PRSS36: variants seen among roughly 807,000 people sequenced by gnomAD.
PRSS36 encodes the protein serine protease 36.
In PRSS36, 90 loss-of-function variants were observed where a neutral mutation model predicts 94.3. That is an observed-to-expected ratio of 0.95 (90% CI 0.80 to 1.14). The LOEUF (loss-of-function observed/expected upper bound fraction) is 1.14. Ranked by LOEUF, PRSS36 falls within the 50% of genes most tolerant of loss-of-function variation. The pLI is 0.00. For synonymous variants in PRSS36, 500 were observed against 489.6 expected (o/e 1.02, Z -0.28); for missense variants, 1,158 against 1,135.0 (o/e 1.02, Z -0.29).
chr16:31,140,232 A>G, intron 14 of PRSS36, 62 bp downstream of exon 14: 2 of 1,515,108 alleles, frequency 1.3e-6, no homozygotes, highest in Non-Finnish European at 1.8e-6. Context: ...CTATCTCTCT[A>G]GGGTACAGTA....
intron 1 of PRSS36, 73 bp from the exon 2 acceptor site, chr16:31,149,804 C>A (rs1427155557): frequency 6.2e-7 from 1 of 1,606,046 alleles, no homozygotes; most frequent in Non-Finnish European, 8.5e-7. Flanking sequence ...ACTCCCTCCC[C>A]CAGCCTCCTA....
Position 31,142,572 on chromosome 16 carries a change from C to T in PRSS36, c.1430G>A (p.Gly477Asp). ...LGGWWCHCLY[G>D]RQGAAVPLPG... is the part of the protein sequence containing the mutation. ...CAGCGGTACTGCCGCCCCCTGGCGG[C>T]CGTACAGGCAGTGGCACCACCAGCC... Residue 477 changes from glycine (G) to aspartate (D), a missense_variant, in exon 10 of 15, where the codon GGC becomes GAC. Physicochemically the swap from Gly to Asp is moderately conservative, Grantham distance 94. Transcript: ENST00000268281. 6.6e-7 allele frequency: 1 copy of T among 1,525,700 alleles called. No homozygotes were observed. The highest frequency in any genetic ancestry group is 8.8e-7 in the Non-Finnish European group (1 of 1,140,782). The allele number at this position is 1,525,700 out of a possible 1,614,324, so 94.5% of individuals were successfully genotyped here.
In PRSS36 at chr16:31,148,590, G is replaced by T; in HGVS notation, c.358C>A (p.Arg120Ser). The T allele has an allele frequency of 6.2e-7, 1 of 1,610,758 alleles. No individual in the cohort carries two copies. The highest frequency in any genetic ancestry group is 8.5e-7 in the Non-Finnish European group (1 of 1,178,956). The change falls in exon 5 of 15, where the codon CGC (arginine) becomes AGC (serine). Residue 120 changes from arginine to serine, a missense_variant. By Grantham distance (110) the Arg-to-Ser change is moderately radical. Transcript: ENST00000268281. ...QDGPLDGAHT[R>S]AVAAIVVPAN... ...GGCACCACGATGGCGGCCACTGCGC[G>T]GGTGTGCGCGCCGTCCAGGGGCCCG...
chr16:31,147,968 G>A (rs1389526808), intron 5 of PRSS36, among the ~76,000 whole-genome samples: 1 of 152,154 alleles, frequency 6.6e-6, no homozygotes, highest in Non-Finnish European at 1.5e-5. Context: ...GCCAGGCACT[G>A]TACTATGAAC....
rs2057735661 is a variant in PRSS36, at chr16:31,142,934, G to A, written c.1160C>T (p.Ser387Leu). The change falls in exon 9 of 15, where the codon TCG becomes TTG. Residue 387 changes from serine (S) to leucine (L), a missense_variant. By Grantham distance (145) the Ser-to-Leu change is moderately radical (BLOSUM62 -2). Transcript: ENST00000268281. ...CGCCACCCGCTCCGCGCGCGGGCGC[G>A]AGGGCAGCAGCACGCGCCAGGCGTC... Reference protein sequence around the residue: ...DLDAWRVLLPSRPRAERVARL... With the variant: ...DLDAWRVLLPLRPRAERVARL... 2.0e-6 allele frequency: 3 copies of A among 1,497,308 alleles called. No homozygotes were observed. Among genetic ancestry groups the A allele is most frequent in the South Asian group, 2.6e-5 (2 of 78,396 alleles). The allele number at this position is 1,497,308 out of a possible 1,614,324, so 92.8% of individuals were successfully genotyped here.
Position 31,140,211 on chromosome 16 carries a change from T to A in PRSS36, c.2289+83A>T, listed in dbSNP as rs532669436. On this transcript the variant is annotated intron_variant, in intron 14 of 14. Transcript: ENST00000268281. ...TCTCAAAAAAAAAAAAAAAAAAAAA[T>A]TCCAATTCTGCTATCTCTCTAGGGT... 935 of 1,393,116 alleles carry A rather than the reference T, an allele frequency of 6.7e-4. 2 individuals carry two copies. In the African/African-American group the frequency reaches 7.0e-3, roughly 10 times the overall value. 86.3% of individuals were successfully genotyped at this position (1,393,116 alleles called of 1,614,324 possible).
chr16:31,144,861 G>C (rs1363762174), intron 6 of PRSS36, among the ~76,000 whole-genome samples: 2 of 152,192 alleles, frequency 1.3e-5, no homozygotes, highest in African/African-American at 4.8e-5. Flanking sequence ...GCCGAGGCAG[G>C]CGGATCATTT....
rs1422577814 is a variant in PRSS36 at position 31,139,266 on chromosome 16, G to A, written c.2440C>T (p.Pro814Ser). ...SQTVGEANFLPPSGSPHWPTG... is the reference protein window; with the variant it reads ...SQTVGEANFLSPSGSPHWPTG... Reference sequence around the variant, plus strand: ...GGCCAGTGTGGGGAGCCACTGGGGGGCAGGAAGTTGGCCTCTCCCACTGTC... The same window carrying A: ...GGCCAGTGTGGGGAGCCACTGGGGGACAGGAAGTTGGCCTCTCCCACTGTC... The change falls in exon 15 of 15, where the codon CCC becomes TCC. Residue 814 changes from proline (P) to serine (S), a missense_variant. Pro to Ser is a moderately conservative substitution (Grantham distance 74). Coordinates refer to ENST00000268281, the MANE Select transcript of PRSS36 (RefSeq NM_173502.5). 1 of 1,614,142 alleles carries A rather than the reference G, an allele frequency of 6.2e-7. No individual in the cohort carries two copies.
rs759268549 is a variant in PRSS36 at position 31,149,063 on chromosome 16, G to A, written c.272+10C>T. On this transcript the variant is annotated intron_variant, in intron 4 of 14. Transcript: ENST00000268281. ...GGCGGAGAGGGGCCAGGACCAGGGC[G>A]AATACTCACGTCATGAAACAGTGAG... 6.3e-7 allele frequency: 1 copy of A among 1,586,700 alleles called. No individual in the cohort carries two copies. Among genetic ancestry groups the A allele is most frequent in the South Asian group, 1.2e-5 (1 of 86,882 alleles).
Position 31,139,425 on chromosome 16 carries a change from T to C in PRSS36, c.2290-9A>G. ...GGCGGTGCTGAGGTCATCTGCAGAG[T>C]TGGAGCGAGGCCACGTGGGTCTGCT... On this transcript the variant is annotated splice_polypyrimidine_tract_variant and intron_variant, in intron 14 of 14. Transcript: ENST00000268281. 6.2e-7 allele frequency: 1 copy of C among 1,610,148 alleles called. No individual in the cohort carries two copies. The highest frequency in any genetic ancestry group is 8.5e-7 in the Non-Finnish European group (1 of 1,177,370).
Position 31,142,920 on chromosome 16 carries a change from C to G in PRSS36, c.1174G>C (p.Glu392Gln). Reference protein sequence around the residue: ...RVLLPSRPRAERVARLVQHEN... With the variant: ...RVLLPSRPRAQRVARLVQHEN... ...TGCTGCACCAGGCGCGCCACCCGCTCCGCGCGCGGGCGCGAGGGCAGCAGC... is the reference window on the plus strand; with the variant it reads ...TGCTGCACCAGGCGCGCCACCCGCTGCGCGCGCGGGCGCGAGGGCAGCAGC... Residue 392 changes from glutamate to glutamine, a missense_variant, in exon 9 of 15, where the codon GAG (glutamate) becomes CAG (glutamine). Coordinates refer to ENST00000268281, the MANE Select transcript of PRSS36 (RefSeq NM_173502.5). 1 of 1,528,670 alleles carries G rather than the reference C, an allele frequency of 6.5e-7. No individual in the cohort carries two copies. Among genetic ancestry groups the G allele is most frequent in the South Asian group, 1.2e-5 (1 of 82,334 alleles). 94.7% of individuals were successfully genotyped at this position (1,528,670 alleles called of 1,614,324 possible). A position where few individuals can be genotyped will look rare whatever the true frequency, so the allele number is the denominator to read the frequency against.
rs2057733952 is a variant in PRSS36, at chr16:31,142,878, C to T, written c.1216G>A (p.Asp406Asn). 1 of 1,561,110 alleles carries T rather than the reference C, an allele frequency of 6.4e-7. No individual in the cohort carries two copies. The highest frequency in any genetic ancestry group is 1.2e-5 in the South Asian group (1 of 84,960). ...RLVQHENASW[D>N]NASDLALLQL... is the part of the protein sequence containing the mutation. The stretch of plus-strand genomic sequence containing the variant: ...AGCAGCGCCAGGTCCGAGGCGTTGT[C>T]CCACGAAGCGTTCTCGTGCTGCACC... Residue 406 changes from aspartate to asparagine, a missense_variant, in exon 9 of 15, where the codon GAC becomes AAC. By Grantham distance (23) the Asp-to-Asn change is conservative. Transcript: ENST00000268281.
intron 6 of PRSS36, among the ~76,000 whole-genome samples, chr16:31,145,417 TTAAA>T (rs1163392340): frequency 2.3e-5 from 3 of 129,444 alleles, no homozygotes; most frequent in East Asian, 4.3e-4. Flanking sequence ...AAAAAATAAA[TTAAA>T]TAAATAAATA....
chr16:31,142,702 G>A (rs1313111410), intron 9 of PRSS36, 35 bp downstream of exon 9: 3 of 1,348,214 alleles, frequency 2.2e-6, no homozygotes, highest in African/African-American at 1.5e-5. Context: ...TGCACCGCCC[G>A]GTGCCGCCCG....
rs201507827 is a variant in PRSS36 at position 31,143,565 on chromosome 16, A to C, written c.970+23T>G. On this transcript the variant is annotated intron_variant, in intron 7 of 14. Transcript: ENST00000268281. The stretch of plus-strand genomic sequence containing the variant: ...ACTCACTCTCCCATGTCCCGCTTAC[A>C]TCCAGGGGTGCCGCCCACTCACCAG... The C allele has an allele frequency of 1.1e-5, 17 of 1,613,630 alleles. No individual in the cohort carries two copies. In the East Asian group the frequency reaches 3.8e-4, roughly 36 times the overall value.
chr16:31,144,570 A>G (rs1308418575), intron 6 of PRSS36, among the ~76,000 whole-genome samples: 2 of 152,020 alleles, frequency 1.3e-5, no homozygotes, highest in Non-Finnish European at 2.9e-5. Context: ...AATTTTTCTG[A>G]TTAGCTGGGA....
chr16:31,144,134 C>T (rs545491012), intron 6 of PRSS36, among the ~76,000 whole-genome samples: 1 of 152,042 alleles, frequency 6.6e-6, no homozygotes, highest in African/African-American at 2.4e-5. Context: ...AATAATTCCC[C>T]TCCCTCCCTT....
At chr16:31,149,864 A>G (rs2057871773) in intron 1 of PRSS36, 133 bp from the exon 2 acceptor site, 17 of 1,521,692 alleles carry the variant, frequency 1.1e-5, no homozygotes, top group Admixed American at 3.4e-5. Flanking sequence ...CCTCTGATAC[A>G]TCCTCGCCTT....
At chr16:31,147,807 G>A (rs1652687569) in intron 5 of PRSS36, among the ~76,000 whole-genome samples, 1 of 152,188 alleles carries the variant, frequency 6.6e-6, no homozygotes, top group Non-Finnish European at 1.5e-5. Context: ...GTAGAGAGAT[G>A]AGTGGGGGTG....
Sources: gnomAD v4.1 joint callset for allele counts (sites outside exome capture counted in the v4.1 genomes callset) on GRCh38, gnomAD v4.1.1 for gene constraint, MANE v1.5 for transcripts, NCBI Gene and HGNC (gene_info 2026-07-23, HGNC 2026-07-21) for gene names.